PLA2G4E: variants seen among roughly 807,000 people sequenced by gnomAD.
PLA2G4E encodes phospholipase A2 group IVE.
A neutral mutation model predicts 109.1 loss-of-function variants in PLA2G4E; 84 were observed. The observed-to-expected ratio is 0.77, with a 90% CI of 0.65 to 0.92. PLA2G4E has a LOEUF of 0.92. Among genes scored for constraint, PLA2G4E ranks in the 40% least tolerant of loss-of-function variants. The pLI, the probability that PLA2G4E is intolerant of heterozygous loss-of-function variation, is 0.00. For synonymous variants in PLA2G4E, 469 were observed against 436.1 expected, an observed-to-expected ratio of 1.08 and a Z score of -0.94; for missense variants, 1,057 against 1,076.6, an observed-to-expected ratio of 0.98 and a Z score of 0.25.
At chr15:41,985,746 T>G in intron 18 of PLA2G4E, 93 bp downstream of exon 18, 1 of 1,439,254 alleles carries the variant, frequency 6.9e-7, no homozygotes, top group South Asian at 1.3e-5. Flanking sequence ...AGAGCATGCC[T>G]CTTCCCAGTT....
Position 41,987,167 on chromosome 15 carries a change from G to T in PLA2G4E, c.2035+5C>A. 3.1e-6 allele frequency: 5 copies of T among 1,611,736 alleles called. No homozygotes were observed. Among genetic ancestry groups the T allele is most frequent in the Non-Finnish European group, 4.2e-6 (5 of 1,177,840 alleles). On this transcript the variant is annotated splice_donor_5th_base_variant and intron_variant, in intron 17 of 19. Coordinates refer to ENST00000399518, the Ensembl canonical transcript of PLA2G4E. ...AGGCCTCAAGGAGTAGCCAGGTAGG[G>T]TTACCTTTCCACCTAGAGAACTGGC... is the stretch of plus-strand genomic sequence containing the variant.
rs1555387035 is a variant in PLA2G4E at position 42,010,142 on chromosome 15, C to CTCCCCCG, written c.257-2278_257-2277insCGGGGGA. 30 of 459,722 alleles carry CTCCCCCG rather than the reference C, an allele frequency of 6.5e-5. 1 individual carries two copies. In the East Asian group the frequency reaches 1.4e-3, roughly 21 times the overall value. 28.5% of individuals were successfully genotyped at this position (459,722 alleles called of 1,614,324 possible). A position where few individuals can be genotyped will look rare whatever the true frequency, so the allele number is the denominator to read the frequency against. The stretch of plus-strand genomic sequence containing the variant: ...TTTTCCAGAACACTGGCCCCCCCAC[C>CTCCCCCG]CCGGGCCTGGACCACACCCTTCAGG... On this transcript the variant is annotated intron_variant, in intron 2 of 19. Transcript: ENST00000399518.
At chr15:42,045,502 G>T (rs577670269) in intron 1 of PLA2G4E, among the ~76,000 whole-genome samples, 2 of 152,340 alleles carry the variant, frequency 1.3e-5, no homozygotes, top group African/African-American at 4.8e-5. Context: ...GAAAAGGCAT[G>T]AACAAGCAGC....
chr15:42,011,941 C>T (rs1473816820), intron 2 of PLA2G4E, among the ~76,000 whole-genome samples: 1 of 152,052 alleles, frequency 6.6e-6, no homozygotes, highest in East Asian at 1.9e-4. Context: ...CCTGGATCCT[C>T]AAATCATTCA....
At chr15:42,011,947 A>T (rs1020093463) in intron 2 of PLA2G4E, among the ~76,000 whole-genome samples, 1 of 152,136 alleles carries the variant, frequency 6.6e-6, no homozygotes, top group Non-Finnish European at 1.5e-5. Flanking sequence ...TCCTCAAATC[A>T]TTCACCGATA....
intron 1 of PLA2G4E, among the ~76,000 whole-genome samples, 50 bp downstream of exon 1, chr15:42,020,885 C>T (rs2068642122): frequency 6.6e-6 from 1 of 152,108 alleles, no homozygotes; most frequent in Non-Finnish European, 1.5e-5. Context: ...CTGGCCATGC[C>T]TCCCTGGCCC....
chr15:42,009,284 T>G (rs912908081), intron 2 of PLA2G4E, among the ~76,000 whole-genome samples: 2 of 152,210 alleles, frequency 1.3e-5, no homozygotes, highest in African/African-American at 4.8e-5. Flanking sequence ...CAGAAATCAG[T>G]GTCATCCTTG....
intron 6 of PLA2G4E, 51 bp downstream of exon 6, chr15:42,002,603 C>A: frequency 6.6e-7 from 1 of 1,523,374 alleles, no homozygotes; most frequent in Non-Finnish European, 8.9e-7. Flanking sequence ...CCCCTGAGAG[C>A]AGCAGCCAGC....
chr15:41,992,762 A>G (rs1367837051), exon 13 of PLA2G4E: 1 of 1,612,660 alleles, frequency 6.2e-7, no homozygotes, highest in South Asian at 1.1e-5. Flanking sequence ...GGTCTCTATC[A>G]GCAGGCCCCA....
chr15:41,996,992 G>A, intron 11 of PLA2G4E, 132 bp downstream of exon 11: 2 of 1,178,930 alleles, frequency 1.7e-6, no homozygotes, highest in Non-Finnish European at 1.1e-6. Flanking sequence ...TCTCACCAGG[G>A]CGCCTGTACC....
intron 1 of PLA2G4E, among the ~76,000 whole-genome samples, chr15:42,031,621 T>G (rs1246334144): frequency 6.6e-6 from 1 of 152,120 alleles, no homozygotes; most frequent in Non-Finnish European, 1.5e-5. Context: ...GAGGGGGTAT[T>G]GTAACAGGCA....
Position 41,984,430 on chromosome 15 carries a change from G to T in PLA2G4E, c.2386+6C>A. On this transcript the variant is annotated splice_donor_region_variant and intron_variant, in intron 19 of 19. Coordinates refer to ENST00000399518, the Ensembl canonical transcript of PLA2G4E. Reference sequence around the variant, plus strand: ...GTGCTGGGAACTGAGCACAGAGGCAGCTCACCTGGTGCCTTGTATTTTCGG... The same window carrying T: ...GTGCTGGGAACTGAGCACAGAGGCATCTCACCTGGTGCCTTGTATTTTCGG... 6.2e-7 allele frequency: 1 copy of T among 1,608,666 alleles called. No homozygotes were observed. The highest frequency in any genetic ancestry group is 8.5e-7 in the Non-Finnish European group (1 of 1,176,598).
chr15:41,985,789 A>G lies in PLA2G4E; in HGVS notation c.2202+50T>C, dbSNP rs2068130110. 6 of 1,565,840 alleles carry G rather than the reference A, an allele frequency of 3.8e-6. No homozygotes were observed. The East Asian group carries it at 9.4e-5, about 24-fold the overall frequency. ...AGTGAGGCCACTGACTGCGGGGCCCATCTTAGGAGAGGCTGCAGCCCATGC... is the reference window on the plus strand; with the variant it reads ...AGTGAGGCCACTGACTGCGGGGCCCGTCTTAGGAGAGGCTGCAGCCCATGC... On this transcript the variant is annotated intron_variant, in intron 18 of 19. Coordinates refer to ENST00000399518, the Ensembl canonical transcript of PLA2G4E.
chr15:41,999,317 T>TA (rs892652358), intron 10 of PLA2G4E, among the ~76,000 whole-genome samples: 10 of 151,796 alleles, frequency 6.6e-5, no homozygotes, highest in Admixed American at 6.6e-5. Flanking sequence ...AACTTAACAA[T>TA]AAAAAAACAC....
chr15:42,037,564 T>G (rs752603823), intron 1 of PLA2G4E, among the ~76,000 whole-genome samples: 1 of 152,226 alleles, frequency 6.6e-6, no homozygotes, highest in African/African-American at 2.4e-5. Flanking sequence ...TTCTTCCTGG[T>G]CACAGGACAA....
At chr15:42,029,272 T>C (rs990502269) in intron 1 of PLA2G4E, among the ~76,000 whole-genome samples, 1 of 152,160 alleles carries the variant, frequency 6.6e-6, no homozygotes, top group African/African-American at 2.4e-5. Flanking sequence ...TTTTGTATTT[T>C]TTTTGTAGAG....
intron 1 of PLA2G4E, among the ~76,000 whole-genome samples, chr15:42,022,724 G>A (rs2068659148): frequency 6.6e-6 from 1 of 152,136 alleles, no homozygotes; most frequent in Non-Finnish European, 1.5e-5. Context: ...TACAGATGAA[G>A]CTTCACTCAC....
Position 41,983,798 on chromosome 15 carries a change from C to T in PLA2G4E, c.2563G>A (p.Ala855Thr), listed in dbSNP as rs747707367. The change falls in exon 20 of 20, where the codon GCA becomes ACA. Residue 855 changes from alanine to threonine, a missense_variant. Ala to Thr is a moderately conservative substitution (Grantham distance 58, BLOSUM62 0). Transcript: ENST00000399518. ...TTCAGGCGCTTCTTCTTCTCCACTG[C>T]GAGCCGCAGAGCCTGGAGGAGAGTG... is the stretch of plus-strand genomic sequence containing the variant. 21 of 1,606,848 alleles carry T rather than the reference C, an allele frequency of 1.3e-5. No homozygotes were observed. The highest frequency in any genetic ancestry group is 5.1e-5 in the Admixed American group (3 of 59,016).
exon 20 of PLA2G4E, chr15:41,983,823 G>A: frequency 6.2e-7 from 1 of 1,611,280 alleles, no homozygotes. Context: ...GGAGGAGAGT[G>A]TCCTTATTAT....
Sources: allele counts gnomAD v4.1 joint callset (sites outside exome capture counted in the v4.1 genomes callset), GRCh38; gene constraint gnomAD v4.1.1; transcripts MANE v1.5; gene names NCBI Gene and HGNC (gene_info 2026-07-23, HGNC 2026-07-21).